The following ZBTB41 variants were observed in gnomAD, a reference collection of about 807,000 sequenced individuals.
ZBTB41 encodes zinc finger and BTB domain-containing protein 41.
A neutral mutation model predicts 87.6 loss-of-function variants in ZBTB41; 42 were observed. The observed-to-expected ratio is 0.48, with a 90% CI of 0.37 to 0.62. The LOEUF (loss-of-function observed/expected upper bound fraction) is 0.62, where lower values mean the gene tolerates loss of function less well. ZBTB41 is among the 20% of genes least tolerant of loss of function. ZBTB41 has a pLI of 0.00. For synonymous variants in ZBTB41, 364 were observed against 364.0 expected, an observed-to-expected ratio of 1.00 and a Z score of 0.00; for missense variants, 799 against 1,078.9, an observed-to-expected ratio of 0.74 and a Z score of 3.63.
At position 197,199,824 on chromosome 1, in the gene ZBTB41, C is replaced by T. The variant is rs1367708672; in HGVS notation, c.650G>A (p.Cys217Tyr). 5 of 1,609,716 alleles carry T rather than the reference C, an allele frequency of 3.1e-6. No homozygotes were observed. The highest frequency in any genetic ancestry group is 4.2e-6 in the Non-Finnish European group (5 of 1,178,614). ...ATGATTCTCTAAAGACTTTTTATAA[C>T]AAAAATGTCTACTACAGAATTTGCA... ...HQCKFCSRHF[C>Y]YKKSLENHLA... The change falls in exon 2 of 11, where the codon TGT (cysteine) becomes TAT (tyrosine). Residue 217 changes from cysteine to tyrosine, a missense_variant. By Grantham distance (194) the Cys-to-Tyr change is radical. Around this residue, in one of 5 missense-constraint regions of ZBTB41, gnomAD observed 294 missense variants for 340.1 expected, o/e 0.86. Coordinates refer to ENST00000367405, the MANE Select transcript of ZBTB41 (RefSeq NM_194314.3).
At chr1:197,188,216 G>C (rs1432996621) in intron 5 of ZBTB41, 76 bp downstream of exon 5, 1 of 1,513,192 alleles carries the variant, frequency 6.6e-7, no homozygotes, top group Non-Finnish European at 9.0e-7. Flanking sequence ...GAGTAATTCA[G>C]CTATAGAAGG....
chr1:197,175,332 G>C (rs1659576640), intron 8 of ZBTB41, among the ~76,000 whole-genome samples: 1 of 148,382 alleles, frequency 6.7e-6, no homozygotes, highest in Non-Finnish European at 1.5e-5. Context: ...TTCCCCGCTT[G>C]GAAAAGGAAT....
rs746260392 is a variant in ZBTB41 at position 197,191,679 on chromosome 1, A to G, written c.1328+13T>C. ...CACAATAAAGTATATTATGGAAGCA[A>G]GATAATACTTGCCTCTTAACATGCT... On this transcript the variant is annotated intron_variant, in intron 3 of 10. Coordinates refer to ENST00000367405, the MANE Select transcript of ZBTB41 (RefSeq NM_194314.3). 3.9e-5 allele frequency: 62 copies of G among 1,604,702 alleles called. No homozygotes were observed. The highest frequency in any genetic ancestry group is 5.4e-5 in the African/African-American group (4 of 74,688).
chr1:197,182,952 T>C (rs1352296576), intron 5 of ZBTB41, among the ~76,000 whole-genome samples: 1 of 152,144 alleles, frequency 6.6e-6, no homozygotes, highest in Non-Finnish European at 1.5e-5. Flanking sequence ...ATGAAGCACT[T>C]ATCTGAAGTG....
At chr1:197,165,263 A>T (rs1034758605) in intron 10 of ZBTB41, among the ~76,000 whole-genome samples, 3 of 151,982 alleles carry the variant, frequency 2.0e-5, no homozygotes, top group South Asian at 2.1e-4. Context: ...ACAATTTAGA[A>T]CAGACATTAG....
intron 2 of ZBTB41, among the ~76,000 whole-genome samples, chr1:197,195,198 C>A (rs1302231478): frequency 1.3e-5 from 2 of 152,174 alleles, no homozygotes; most frequent in Non-Finnish European, 2.9e-5. Context: ...CATTCCTGAT[C>A]CTGAACAGAA....
At position 197,158,933 on chromosome 1, in the gene ZBTB41, T is replaced by A. The variant is rs1659132308; in HGVS notation, c.*426A>T. ...ATCTTAGGATAAGAAACAGTTGCAA[T>A]TATCAGTGTACTCTTAATTCCTTCT... On this transcript the variant is annotated 3_prime_UTR_variant, in exon 11 of 11. Transcript: ENST00000367405. 6.3e-6 allele frequency: 1 copy of A among 157,702 alleles called. No individual in the cohort carries two copies. Among genetic ancestry groups the A allele is most frequent in the African/African-American group, 2.4e-5 (1 of 41,472 alleles). The allele number at this position is 157,702 out of a possible 1,614,324, so 9.8% of individuals were successfully genotyped here.
chr1:197,176,827 C>T (rs1255546353), intron 7 of ZBTB41, among the ~76,000 whole-genome samples, 157 bp from the exon 8 acceptor site: 4 of 152,072 alleles, frequency 2.6e-5, no homozygotes, highest in Non-Finnish European at 4.4e-5. Context: ...GAGTCCTTTT[C>T]AGTCTTTTAC....
In ZBTB41 at chr1:197,154,525, T is replaced by C. The variant is rs1409942532; in HGVS notation, c.*4834A>G. 2.0e-5 allele frequency: 3 copies of C among 152,098 alleles called. No homozygotes were observed. Among genetic ancestry groups the C allele is most frequent in the African/African-American group, 7.2e-5 (3 of 41,460 alleles). 9.4% of individuals were successfully genotyped at this position (152,098 alleles called of 1,614,324 possible). On this transcript the variant is annotated 3_prime_UTR_variant, in exon 11 of 11. Transcript: ENST00000367405. ...AAGCACTCTCTCTACAAAAACCTTC[T>C]TTTTCTCATCTTCCACACATCTTAA...
rs1660245063 is a variant in ZBTB41, at chr1:197,199,436, C to T, written c.1038G>A (p.Glu346=). The T allele has an allele frequency of 6.2e-7, 1 of 1,612,026 alleles. No individual in the cohort carries two copies. ...TCTGAATGACCACTGGAGTTAACCC[C>T]TCATGAACATTTCCTACAGAATCAC... ...EAGDSVGNVH[E]GLTPVVIQNS... is the part of the protein sequence containing the mutation. Residue 346 remains glutamate (E), a synonymous_variant, in exon 2 of 11, where the codon GAG becomes GAA. Coordinates refer to ENST00000367405, the MANE Select transcript of ZBTB41 (RefSeq NM_194314.3).
At chr1:197,171,870 G>A (rs1273793776) in intron 10 of ZBTB41, among the ~76,000 whole-genome samples, 1 of 151,766 alleles carries the variant, frequency 6.6e-6, no homozygotes, top group East Asian at 1.9e-4. Flanking sequence ...AAAACAATCA[G>A]AAAAGGGAAA....
rs955202458 is a variant in ZBTB41 at position 197,155,271 on chromosome 1, A to G, written c.*4088T>C. The G allele has an allele frequency of 2.0e-5, 3 of 152,232 alleles. No homozygotes were observed. The highest frequency in any genetic ancestry group is 2.4e-5 in the African/African-American group (1 of 41,378). 9.4% of individuals were successfully genotyped at this position (152,232 alleles called of 1,614,324 possible). A position where few individuals can be genotyped will look rare whatever the true frequency, so the allele number is the denominator to read the frequency against. On this transcript the variant is annotated 3_prime_UTR_variant, in exon 11 of 11. Coordinates refer to ENST00000367405, the MANE Select transcript of ZBTB41 (RefSeq NM_194314.3). ...ATCATAAAAACAAATATTCACACTA[A>G]CACTTAGTGCCAATTTGCCTATATA...
At chr1:197,180,394 G>A (rs1275680359) in intron 6 of ZBTB41, among the ~76,000 whole-genome samples, 3 of 152,040 alleles carry the variant, frequency 2.0e-5, no homozygotes, top group African/African-American at 4.8e-5. Context: ...ATTAAGCGGC[G>A]CATGACTGTA....
At chr1:197,174,983 T>A (rs773330181) in intron 9 of ZBTB41, 27 bp downstream of exon 9, 1 of 1,579,138 alleles carries the variant, frequency 6.3e-7, no homozygotes, top group Non-Finnish European at 8.7e-7. Context: ...CAATGTAAAC[T>A]ATGAGACATT....
At chr1:197,200,992 C>G (rs1209751611) in intron 1 of ZBTB41, among the ~76,000 whole-genome samples, 2 of 152,150 alleles carry the variant, frequency 1.3e-5, no homozygotes, top group African/African-American at 2.4e-5. Context: ...TTTCCTCGGG[C>G]GGGCAAGGCA....
chr1:197,191,617 A>T, intron 3 of ZBTB41, 75 bp downstream of exon 3: 1 of 1,193,336 alleles, frequency 8.4e-7, no homozygotes, highest in Non-Finnish European at 1.2e-6. Flanking sequence ...AGCACTTTAT[A>T]GATGTTTTTA....
chr1:197,168,056 A>G (rs1198584199), intron 10 of ZBTB41, among the ~76,000 whole-genome samples: 1 of 152,194 alleles, frequency 6.6e-6, no homozygotes, highest in Non-Finnish European at 1.5e-5. Flanking sequence ...ATTTAATAGA[A>G]ATTTAGCAAG....
At chr1:197,183,000 T>C (rs1479719437) in intron 5 of ZBTB41, among the ~76,000 whole-genome samples, 1 of 152,112 alleles carries the variant, frequency 6.6e-6, no homozygotes, top group Non-Finnish European at 1.5e-5. Context: ...AGAGACGGAA[T>C]GCAAAAGAAG....
At chr1:197,184,844 C>T (rs1659842907) in intron 5 of ZBTB41, among the ~76,000 whole-genome samples, 3 of 144,464 alleles carry the variant, frequency 2.1e-5, no homozygotes, top group East Asian at 2.4e-4. Context: ...GACAGAATTT[C>T]GCTCTTGTTG....
Sources: allele counts gnomAD v4.1 joint callset (sites outside exome capture counted in the v4.1 genomes callset), GRCh38; gene constraint gnomAD v4.1.1; regional missense constraint gnomAD v4.1.1; transcripts MANE v1.5; gene names NCBI Gene and HGNC (gene_info 2026-07-23, HGNC 2026-07-21).